The following PDGFA variants were observed in gnomAD, a reference collection of about 807,000 sequenced individuals.
PDGFA encodes the protein platelet-derived growth factor subunit A.
A neutral mutation model predicts 25.6 loss-of-function variants in PDGFA; 9 were observed. That is an observed-to-expected ratio of 0.35 (90% CI 0.21 to 0.61). PDGFA has a LOEUF of 0.61. Ranked by LOEUF, PDGFA falls within the 20% of genes least tolerant of loss-of-function variation. PDGFA has a pLI of 0.75. For missense variants in PDGFA, 242 were observed against 272.8 expected, an observed-to-expected ratio of 0.89 and a Z score of 0.79; for synonymous variants, 133 against 111.8, an observed-to-expected ratio of 1.19 and a Z score of -1.20.
chr7:508,386 C>T lies in PDGFA; in HGVS notation c.453+2423G>A, dbSNP rs904690240. On this transcript the variant is annotated intron_variant, in intron 4 of 5. Coordinates refer to ENST00000402802, the Ensembl canonical transcript of PDGFA. ...GTCCAGAGCAGGCTGGGCAACACAG[C>T]GAGATCCCCGACTCTGCAAAGAATT... is the stretch of plus-strand genomic sequence containing the variant. Among the ~76,000 whole-genome samples the T allele has an allele frequency of 3.3e-5, 5 of 151,626 alleles. No homozygotes were observed. The South Asian group carries it at 8.4e-4, about 25-fold the overall frequency.
intron 5 of PDGFA, among the ~76,000 whole-genome samples, 171 bp from the exon 6 acceptor site, chr7:498,745 A>T (rs536452007): frequency 2.0e-5 from 3 of 152,214 alleles, no homozygotes; most frequent in African/African-American, 7.2e-5. Flanking sequence ...CACATTGGCC[A>T]TGTTGCAGTA....
In PDGFA at chr7:512,463, C is replaced by A. The variant is rs772683065; in HGVS notation, c.161-8G>T. ...CCAAAGAATCCTCACTCCCTGCAGG[C>A]GGAAGGAGAACACCGTGAATGCCCC... On this transcript the variant is annotated splice_region_variant and splice_polypyrimidine_tract_variant and intron_variant, in intron 2 of 5. Transcript: ENST00000402802. 6.2e-7 allele frequency: 1 copy of A among 1,613,450 alleles called. No homozygotes were observed. Among genetic ancestry groups the A allele is most frequent in the South Asian group, 1.1e-5 (1 of 91,082 alleles).
chr7:510,188 G>T (rs1782737307), intron 4 of PDGFA, among the ~76,000 whole-genome samples: 1 of 152,180 alleles, frequency 6.6e-6, no homozygotes, highest in Non-Finnish European at 1.5e-5. Context: ...TCTAGGGCGT[G>T]GAAAGGAGGC....
intron 4 of PDGFA, among the ~76,000 whole-genome samples, chr7:505,036 C>G (rs759913174): frequency 1.3e-5 from 2 of 152,244 alleles, no homozygotes; most frequent in Non-Finnish European, 2.9e-5. Flanking sequence ...GCGATGATTG[C>G]ACCTGTTTCT....
At chr7:513,847 G>A (rs1362212252) in intron 2 of PDGFA, among the ~76,000 whole-genome samples, 3 of 152,216 alleles carry the variant, frequency 2.0e-5, no homozygotes, top group Non-Finnish European at 4.4e-5. Context: ...AAGCTCGCCC[G>A]GAGCCCAACT....
At chr7:519,434 G>A, upstream of PDGFA, 1 of 157,694 alleles carries the variant, frequency 6.3e-6, no homozygotes. Context: ...GTCTGGGGCC[G>A]CCGCCGCCGC....
chr7:502,031 C>T (rs1397796456), intron 4 of PDGFA, among the ~76,000 whole-genome samples: 1 of 152,146 alleles, frequency 6.6e-6, no homozygotes, highest in African/African-American at 2.4e-5. Flanking sequence ...TCAAGACCAG[C>T]CTGGGCAACA....
rs576971068 is a variant in PDGFA, at chr7:518,584, G to T, written c.63+355C>A. On this transcript the variant is annotated intron_variant, in intron 1 of 5. Transcript: ENST00000402802. ...TCCGCCGCCCTTCTCTCCTCCCCAG[G>T]CTCCGCCGGCTCACACACACCCCCT... 3.8e-3 allele frequency: 966 copies of T among 255,300 alleles called. 9 individuals carry two copies. The highest frequency in any genetic ancestry group is 0.025 in the South Asian group (158 of 6,350). 15.8% of individuals were successfully genotyped at this position (255,300 alleles called of 1,614,324 possible).
At position 498,593 on chromosome 7, in the gene PDGFA, G is replaced by A; in HGVS notation, c.581-19C>T. ...CTCACATCTGCAGGGAGAAGGGAAAGACAGACACTGAGACCACCGACCAAG... is the reference window on the plus strand; with the variant it reads ...CTCACATCTGCAGGGAGAAGGGAAAAACAGACACTGAGACCACCGACCAAG... On this transcript the variant is annotated intron_variant, in intron 5 of 5. Coordinates refer to ENST00000402802, the Ensembl canonical transcript of PDGFA. The A allele has an allele frequency of 2.5e-6, 4 of 1,609,266 alleles. No individual in the cohort carries two copies. Among genetic ancestry groups the A allele is most frequent in the Non-Finnish European group, 3.4e-6 (4 of 1,177,904 alleles).
chr7:516,491 C>G (rs62433349), intron 2 of PDGFA, among the ~76,000 whole-genome samples: 7 of 152,206 alleles, frequency 4.6e-5, no homozygotes, highest in African/African-American at 1.7e-4. Context: ...TTAACAAGTT[C>G]ATCGCAGAGC....
chr7:513,607 C>A (rs1033700561), intron 2 of PDGFA: 1 of 152,224 alleles, frequency 6.6e-6, no homozygotes, highest in Admixed American at 6.5e-5. Flanking sequence ...GATCTCCCTG[C>A]CCCCTCCTGG....
intron 2 of PDGFA, chr7:512,741 G>T: frequency 8.6e-7 from 1 of 1,165,870 alleles, no homozygotes; most frequent in Non-Finnish European, 1.1e-6. Flanking sequence ...AGGGCCCTTC[G>T]GGGAAGAGGT....
intron 4 of PDGFA, among the ~76,000 whole-genome samples, chr7:501,597 T>G (rs145840727): frequency 0.012 from 1,850 of 152,134 alleles, 38 homozygotes; most frequent in African/African-American, 0.042. Flanking sequence ...AATATTTTTT[T>G]TGTGTGGAAG....
intron 5 of PDGFA, 85 bp downstream of exon 5, chr7:501,031 G>A (rs559185821): frequency 1.9e-5 from 31 of 1,611,452 alleles, no homozygotes; most frequent in East Asian, 6.7e-5. Context: ...TAAGCGTTGC[G>A]CTCAAGGGGG....
intron 5 of PDGFA, 50 bp downstream of exon 5, chr7:501,066 C>A (rs779776803): frequency 1.9e-6 from 3 of 1,614,032 alleles, no homozygotes; most frequent in South Asian, 2.2e-5. Context: ...AAAAGCAAGG[C>A]TCTGAAGACC....
exon 4 of PDGFA, chr7:510,968 G>A: frequency 6.2e-7 from 1 of 1,612,778 alleles, no homozygotes; most frequent in East Asian, 2.2e-5. Context: ...TGACCGTCCT[G>A]GTCTTGCAGA....
chr7:517,509 C>T lies in PDGFA; in HGVS notation c.64-19G>A, dbSNP rs992015738. The T allele has an allele frequency of 6.7e-6, 8 of 1,197,950 alleles. No individual in the cohort carries two copies. The highest frequency in any genetic ancestry group is 7.4e-6 in the Non-Finnish European group (7 of 941,638). 74.2% of individuals were successfully genotyped at this position (1,197,950 alleles called of 1,614,324 possible). A position where few individuals can be genotyped will look rare whatever the true frequency, so the allele number is the denominator to read the frequency against. ...CGGCTTCCTGCAAGCAGAGGCCACACGGTCAGCGCCCGCGGCCCCGACCCC... is the reference window on the plus strand; with the variant it reads ...CGGCTTCCTGCAAGCAGAGGCCACATGGTCAGCGCCCGCGGCCCCGACCCC... On this transcript the variant is annotated intron_variant, in intron 1 of 5. Transcript: ENST00000402802. This position sits in a 1 kb window ranked among gnomAD's most constrained non-coding sequence, Gnocchi z 7.4.
In PDGFA at chr7:512,290, C is replaced by T. The variant is rs112160740; in HGVS notation, c.265+61G>A. ...CCACCCGGCCCTGCCCTGCCCATCG[C>T]GGCCTCCTGGACTCACCCTGACCCG... On this transcript the variant is annotated intron_variant, in intron 3 of 5. Coordinates refer to ENST00000402802, the Ensembl canonical transcript of PDGFA. The T allele has an allele frequency of 4.0e-4, 589 of 1,487,352 alleles. 1 individual carries two copies. In the African/African-American group the frequency reaches 7.0e-3, roughly 18 times the overall value. The allele number at this position is 1,487,352 out of a possible 1,614,324, so 92.1% of individuals were successfully genotyped here. A position where few individuals can be genotyped will look rare whatever the true frequency, so the allele number is the denominator to read the frequency against.
chr7:517,539 G>T lies in PDGFA; in HGVS notation c.64-49C>A. 1 of 902,620 alleles carries T rather than the reference G, an allele frequency of 1.1e-6. No homozygotes were observed. The highest frequency in any genetic ancestry group is 1.4e-6 in the Non-Finnish European group (1 of 714,944). The allele number at this position is 902,620 out of a possible 1,614,324, so 55.9% of individuals were successfully genotyped here. A position where few individuals can be genotyped will look rare whatever the true frequency, so the allele number is the denominator to read the frequency against. On this transcript the variant is annotated intron_variant, in intron 1 of 5. Coordinates refer to ENST00000402802, the Ensembl canonical transcript of PDGFA. The surrounding 1 kb of genome is among the most constrained non-coding windows in gnomAD (Gnocchi z 7.4). ...AGCGCCCGCGGCCCCGACCCCGCCG[G>T]CACGCGCCCCCGGCCGCCAGGAGCG...
Sources: allele counts gnomAD v4.1 joint callset (sites outside exome capture counted in the v4.1 genomes callset), GRCh38; gene constraint gnomAD v4.1.1; non-coding constraint Gnocchi (gnomAD v3.1); transcripts MANE v1.5; gene names NCBI Gene and HGNC (gene_info 2026-07-23, HGNC 2026-07-21).